TMTC2: variants seen among roughly 807,000 people sequenced by gnomAD.
TMTC2 encodes the protein transmembrane O-mannosyltransferase targeting cadherins 2.
Under a neutral mutation model 82.4 loss-of-function variants are expected in TMTC2, and 43 were observed. That is an observed-to-expected ratio of 0.52 (90% CI 0.41 to 0.67). The LOEUF is 0.67. Ranked by LOEUF, TMTC2 falls within the 30% of genes least tolerant of loss-of-function variation. TMTC2 has a pLI of 0.00. For synonymous variants in TMTC2, 408 were observed against 381.9 expected (o/e 1.07, Z -0.80); for missense variants, 919 against 1,012.4 (o/e 0.91, Z 1.25).
intron 11 of TMTC2, among the ~76,000 whole-genome samples, chr12:83,079,250 T>C (rs529225638): frequency 1.1e-4 from 17 of 152,198 alleles, no homozygotes; most frequent in African/African-American, 4.1e-4. Flanking sequence ...TCTTCCCCTA[T>C]GGAACCTACA....
At position 83,045,707 on chromosome 12, in the gene TMTC2, T is replaced by TCACACACACACA. The variant is rs143555229; in HGVS notation, c.2153-5189_2153-5178dup. On this transcript the variant is annotated intron_variant, in intron 9 of 11. Coordinates refer to ENST00000321196, the MANE Select transcript of TMTC2 (RefSeq NM_152588.3). ...GCTTATAGGGCAGGAAAGGGCTCCTTCACACACACACACACACACGCACAC... is the reference window on the plus strand; with the variant it reads ...GCTTATAGGGCAGGAAAGGGCTCCTTCACACACACACACACACACACACACACACACGCACAC... Among the ~76,000 whole-genome samples the TCACACACACACA allele has an allele frequency of 2.3e-3, 287 of 122,766 alleles. 8 individuals are homozygous for TCACACACACACA. The highest frequency in any genetic ancestry group is 4.3e-3 in the South Asian group (16 of 3,738). The allele number at this position is 122,766 out of a possible 152,430, so 80.5% of individuals were successfully genotyped here.
Position 82,704,637 on chromosome 12 carries a change from C to CT in TMTC2, c.83+16980dup, listed in dbSNP as rs374339612. ...CTTGAAGAGATGGAAACTAATGAAT[C>CT]TTTTTTTTTTTTGGTAAAATAGTAT... On this transcript the variant is annotated intron_variant, in intron 1 of 11. Coordinates refer to ENST00000321196, the MANE Select transcript of TMTC2 (RefSeq NM_152588.3). 2.1e-3 allele frequency among the ~76,000 whole-genome samples: 293 copies of CT among 141,682 alleles called. 1 individual carries two copies. Among genetic ancestry groups the CT allele is most frequent in the Non-Finnish European group, 2.3e-3 (148 of 64,660 alleles). The allele number at this position is 141,682 out of a possible 152,430, so 92.9% of individuals were successfully genotyped here.
At chr12:82,802,004 G>A (rs1256316738) in intron 1 of TMTC2, among the ~76,000 whole-genome samples, 2 of 151,562 alleles carry the variant, frequency 1.3e-5, no homozygotes, top group Non-Finnish European at 2.9e-5. Context: ...GGGCACAGGT[G>A]GAGCTGCCTG....
At chr12:82,786,417 A>C (rs1014037451) in intron 1 of TMTC2, among the ~76,000 whole-genome samples, 1 of 152,130 alleles carries the variant, frequency 6.6e-6, no homozygotes, top group Non-Finnish European at 1.5e-5. Context: ...CTCACCGTTC[A>C]GAAGTGATTC....
chr12:83,123,640 A>G (rs1885020909), intron 11 of TMTC2, among the ~76,000 whole-genome samples: 1 of 152,188 alleles, frequency 6.6e-6, no homozygotes, highest in Non-Finnish European at 1.5e-5. Context: ...AAGGGTTAAC[A>G]TCATGATTAT....
intron 11 of TMTC2, among the ~76,000 whole-genome samples, chr12:83,063,824 G>C (rs1882824855): frequency 6.6e-6 from 1 of 151,898 alleles, no homozygotes; most frequent in South Asian, 2.1e-4. Context: ...GAAGGAGCTA[G>C]TATGTCAGAC....
intron 8 of TMTC2, among the ~76,000 whole-genome samples, chr12:82,996,722 A>G (rs529055970): frequency 1.3e-5 from 2 of 152,308 alleles, no homozygotes; most frequent in East Asian, 3.9e-4. Flanking sequence ...ATGGAGAAAT[A>G]AGTATTGTGG....
intron 1 of TMTC2, among the ~76,000 whole-genome samples, chr12:82,689,433 A>G (rs1565709215): frequency 1.3e-5 from 2 of 152,242 alleles, no homozygotes; most frequent in Non-Finnish European, 2.9e-5. Context: ...CCAAGAATAT[A>G]GAGTTTATTT....
rs1190573936 is a variant in TMTC2, at chr12:83,032,718, ATTTTTTATTT to A, written c.2152+1852_2152+1861del. Among the ~76,000 whole-genome samples, 25 of 151,358 alleles carry A rather than the reference ATTTTTTATTT, an allele frequency of 1.7e-4. No individual in the cohort carries two copies. In the East Asian group the frequency reaches 4.9e-3, roughly 30 times the overall value. On this transcript the variant is annotated intron_variant, in intron 9 of 11. Coordinates refer to ENST00000321196, the MANE Select transcript of TMTC2 (RefSeq NM_152588.3). ...CACCACCATGCCCAGCTAATTTTTT[ATTTTTTATTT>A]TTTTTTATTTTTAGTAGAGATAGGG... is the stretch of plus-strand genomic sequence containing the variant.
chr12:82,856,326 T>C (rs1160945119), intron 1 of TMTC2, among the ~76,000 whole-genome samples: 4 of 152,124 alleles, frequency 2.6e-5, no homozygotes, highest in African/African-American at 7.2e-5. Context: ...AAGGCTGAAG[T>C]TTATTAGAAT....
intron 11 of TMTC2, among the ~76,000 whole-genome samples, chr12:83,082,524 G>T (rs1044786184): frequency 6.6e-6 from 1 of 152,264 alleles, no homozygotes; most frequent in Non-Finnish European, 1.5e-5. Context: ...AATATAGACT[G>T]TGCTTTCAGG....
chr12:82,871,815 G>GTTAAATTCATATTTATTTA (rs1222513303), intron 2 of TMTC2, among the ~76,000 whole-genome samples: 1 of 150,984 alleles, frequency 6.6e-6, no homozygotes. Context: ...GGAGAAATTT[G>GTTAAATTCATATTTATTTA]TTAAATTCAT....
chr12:82,832,482 T>C (rs1398278139), intron 1 of TMTC2, among the ~76,000 whole-genome samples: 1 of 152,178 alleles, frequency 6.6e-6, no homozygotes, highest in Admixed American at 6.5e-5. Flanking sequence ...AATTATATTG[T>C]AAATCAGTAT....
intron 8 of TMTC2, among the ~76,000 whole-genome samples, chr12:83,011,063 G>A (rs112019875): frequency 3.3e-5 from 5 of 152,202 alleles, no homozygotes; most frequent in African/African-American, 1.2e-4. Flanking sequence ...TTGAACTCCT[G>A]ACCTCAGGTA....
At chr12:82,815,685 C>G (rs1468815372) in intron 1 of TMTC2, among the ~76,000 whole-genome samples, 3 of 151,796 alleles carry the variant, frequency 2.0e-5, no homozygotes, top group Non-Finnish European at 4.4e-5. Context: ...TATTTTATCC[C>G]AGTAAGAAGC....
chr12:83,030,751 T>TC, intron 8 of TMTC2, 47 bp from the exon 9 acceptor site: 1 of 1,411,964 alleles, frequency 7.1e-7, no homozygotes, highest in Non-Finnish European at 1.0e-6. Flanking sequence ...CAGTGAAGAA[T>TC]CCCTCATGAT....
At chr12:82,796,842 C>T (rs1592529134) in intron 1 of TMTC2, among the ~76,000 whole-genome samples, 3 of 152,192 alleles carry the variant, frequency 2.0e-5, no homozygotes, top group Non-Finnish European at 4.4e-5. Flanking sequence ...TTGGTCAGGT[C>T]ACTCAACCCC....
intron 9 of TMTC2, among the ~76,000 whole-genome samples, chr12:83,045,731 A>G (rs61929874): frequency 2.4e-5 from 3 of 125,516 alleles, no homozygotes; most frequent in African/African-American, 8.4e-5. Context: ...ACACACGCAC[A>G]CACACACACA....
intron 1 of TMTC2, among the ~76,000 whole-genome samples, chr12:82,754,290 AC>A (rs1361671006): frequency 6.6e-6 from 1 of 152,208 alleles, no homozygotes; most frequent in African/African-American, 2.4e-5. Flanking sequence ...TTTTTAAAAA[AC>A]AAAACAAAAC....
Sources: allele counts gnomAD v4.1 joint callset (sites outside exome capture counted in the v4.1 genomes callset), GRCh38; gene constraint gnomAD v4.1.1; transcripts MANE v1.5; gene names NCBI Gene and HGNC (gene_info 2026-07-23, HGNC 2026-07-21).